The following PCDHGA1 variants were observed in gnomAD, a reference collection of about 807,000 sequenced individuals.
PCDHGA1 encodes the protein protocadherin gamma-A1.
PCDHGA1 carries 32 observed loss-of-function variants against 58.0 expected under a neutral mutation model. The observed-to-expected ratio is 0.55, with a 90% CI of 0.42 to 0.74. The LOEUF (loss-of-function observed/expected upper bound fraction) is 0.74, where lower values mean the gene tolerates loss of function less well. Among genes scored for constraint, PCDHGA1 ranks in the 30% least tolerant of loss-of-function variants. PCDHGA1 has a pLI of 0.00. For missense variants in PCDHGA1, 1,205 were observed against 1,182.3 expected (o/e 1.02, Z -0.28); for synonymous variants, 498 against 501.1 (o/e 0.99, Z 0.08).
chr5:141,357,369 C>G, intron 1 of PCDHGA1: 1 of 1,614,182 alleles, frequency 6.2e-7, no homozygotes, highest in East Asian at 2.2e-5. Context: ...ACAAGTCACG[C>G]CTGCTTCACG....
Position 141,360,239 on chromosome 5 carries a change from A to G in PCDHGA1, c.2421+27134A>G, listed in dbSNP as rs775491179. 2 of 1,613,884 alleles carry G rather than the reference A, an allele frequency of 1.2e-6. No homozygotes were observed. The highest frequency in any genetic ancestry group is 1.7e-6 in the Non-Finnish European group (2 of 1,179,852). On this transcript the variant is annotated intron_variant, in intron 1 of 3. Transcript: ENST00000517417. ...GGGGCTCTCCCAGTCCAGATCCGCTATTCAATTCCAGAGGAGCTGGCCAAA... is the reference window on the plus strand; with the variant it reads ...GGGGCTCTCCCAGTCCAGATCCGCTGTTCAATTCCAGAGGAGCTGGCCAAA...
chr5:141,341,000 A>G lies in PCDHGA1; in HGVS notation c.2421+7895A>G, dbSNP rs772183992. The G allele has an allele frequency of 2.5e-6, 4 of 1,613,964 alleles. No individual in the cohort carries two copies. In the Admixed American group the frequency reaches 6.7e-5, roughly 27 times the overall value. ...CCCCGACATCCTGGCCGACCTGGGC[A>G]GCCTCGAGCCCTCCGCCATACCCAA... On this transcript the variant is annotated intron_variant, in intron 1 of 3. Transcript: ENST00000517417.
At chr5:141,394,057 T>C (rs1318938543) in intron 1 of PCDHGA1, 1 of 1,613,750 alleles carries the variant, frequency 6.2e-7, no homozygotes, top group East Asian at 2.2e-5. Flanking sequence ...CGAGAAAATG[T>C]CTCTATCTAC....
At chr5:141,430,925 C>G (rs1313621122) in intron 1 of PCDHGA1, 2 of 1,607,162 alleles carry the variant, frequency 1.2e-6, no homozygotes, top group Non-Finnish European at 8.5e-7. Context: ...GGGGCTGGAG[C>G]CCCGGGAGCT....
At chr5:141,421,474 G>A (rs1320526226) in intron 1 of PCDHGA1, 2 of 1,614,014 alleles carry the variant, frequency 1.2e-6, no homozygotes, top group Non-Finnish European at 1.7e-6. Flanking sequence ...TCCGCGAAGC[G>A]GCAGCTTGAT....
intron 1 of PCDHGA1, chr5:141,389,406 G>A (rs1235613335): frequency 1.9e-6 from 3 of 1,613,632 alleles, no homozygotes; most frequent in South Asian, 2.2e-5. Flanking sequence ...CATAAGCGCG[G>A]AGAGCGGGGT....
chr5:141,393,086 T>C (rs533530561), intron 1 of PCDHGA1: 1 of 1,613,614 alleles, frequency 6.2e-7, no homozygotes, highest in Non-Finnish European at 8.5e-7. Flanking sequence ...GCAGGATAGA[T>C]CGGGAGGAGC....
rs372326132 is a variant in PCDHGA1 at position 141,486,185 on chromosome 5, G to A, written c.2422-8622G>A. On this transcript the variant is annotated intron_variant, in intron 1 of 3. Coordinates refer to ENST00000517417, the MANE Select transcript of PCDHGA1 (RefSeq NM_018912.3). The surrounding 1 kb of genome is among the most constrained non-coding windows in gnomAD (Gnocchi z 5.0). ...CATGGAGCAACATTGCAGCCTTCGAGTGGATCTGCTGGACGTAAATGACAA... is the reference window on the plus strand; with the variant it reads ...CATGGAGCAACATTGCAGCCTTCGAATGGATCTGCTGGACGTAAATGACAA... 42 of 1,614,108 alleles carry A rather than the reference G, an allele frequency of 2.6e-5. No homozygotes were observed. The highest frequency in any genetic ancestry group is 3.4e-5 in the Non-Finnish European group (40 of 1,180,048).
intron 1 of PCDHGA1, among the ~76,000 whole-genome samples, chr5:141,457,124 ACT>A (rs1304231701): frequency 6.6e-6 from 1 of 152,158 alleles, no homozygotes; most frequent in Non-Finnish European, 1.5e-5. Context: ...AGCAATGGAA[ACT>A]CTGTCCAATA....
At chr5:141,366,166 C>T (rs764048783) in intron 1 of PCDHGA1, 1 of 1,614,076 alleles carries the variant, frequency 6.2e-7, no homozygotes. Flanking sequence ...TTAAGGCCAG[C>T]GAGCCAGGAC....
At position 141,362,472 on chromosome 5, in the gene PCDHGA1, T is replaced by G. The variant is rs1762526410; in HGVS notation, c.2421+29367T>G. On this transcript the variant is annotated intron_variant, in intron 1 of 3. Transcript: ENST00000517417. ...CCCCGGAATTGGTTCCCGCGCAAGA[T>G]CTCGTCTGTGACAATGCCTCTTGGG... 3 of 1,613,916 alleles carry G rather than the reference T, an allele frequency of 1.9e-6. No individual in the cohort carries two copies. Among genetic ancestry groups the G allele is most frequent in the Non-Finnish European group, 2.5e-6 (3 of 1,179,892 alleles).
intron 1 of PCDHGA1, chr5:141,365,186 GA>G: frequency 1.2e-6 from 2 of 1,613,880 alleles, no homozygotes; most frequent in Non-Finnish European, 1.7e-6. Flanking sequence ...CAATGAAGAA[GA>G]AAAAATTTCG....
chr5:141,382,453 G>A (rs1300977672), intron 1 of PCDHGA1, among the ~76,000 whole-genome samples: 1 of 152,202 alleles, frequency 6.6e-6, no homozygotes, highest in Non-Finnish European at 1.5e-5. Flanking sequence ...GCAAGGCAAA[G>A]CAGTTTTTTA....
At chr5:141,479,633 T>TAACAAC (rs749744124) in intron 1 of PCDHGA1, 1 of 152,114 alleles carries the variant, frequency 6.6e-6, no homozygotes, top group Admixed American at 6.5e-5. Flanking sequence ...TCTTTAACAA[T>TAACAAC]AACAACAACA....
chr5:141,512,917 T>C lies in PCDHGA1; in HGVS notation c.*1744T>C, dbSNP rs543880225. On this transcript the variant is annotated 3_prime_UTR_variant, in exon 4 of 4. Transcript: ENST00000517417. ...TGTGTCTCACGCAAGTTTTATACTCTAATATTTATATGGCTTTTTTTCTTC... is the reference window on the plus strand; with the variant it reads ...TGTGTCTCACGCAAGTTTTATACTCCAATATTTATATGGCTTTTTTTCTTC... The C allele has an allele frequency of 1.3e-5, 2 of 152,378 alleles. No individual in the cohort carries two copies. Among genetic ancestry groups the C allele is most frequent in the African/African-American group, 2.4e-5 (1 of 41,588 alleles). The allele number at this position is 152,378 out of a possible 1,614,324, so 9.4% of individuals were successfully genotyped here.
Position 141,414,566 on chromosome 5 carries a change from A to G in PCDHGA1, c.2422-80241A>G, listed in dbSNP as rs375828619. The stretch of plus-strand genomic sequence containing the variant: ...TTCTCTCAAGTCTCCTACTTTACCT[A>G]TATCCCAGAGAACAACGCCAGGGGT... On this transcript the variant is annotated intron_variant, in intron 1 of 3. Coordinates refer to ENST00000517417, the MANE Select transcript of PCDHGA1 (RefSeq NM_018912.3). The G allele has an allele frequency of 6.6e-5, 106 of 1,613,800 alleles. No homozygotes were observed. Among genetic ancestry groups the G allele is most frequent in the Non-Finnish European group, 8.4e-5 (99 of 1,179,878 alleles).
At chr5:141,389,926 A>G (rs1442843006) in intron 1 of PCDHGA1, 2 of 1,613,766 alleles carry the variant, frequency 1.2e-6, no homozygotes, top group Non-Finnish European at 1.7e-6. Context: ...GACCCCTCTG[A>G]CCTCCAGGCT....
Position 141,333,058 on chromosome 5 carries a change from T to A in PCDHGA1, c.2374T>A (p.Ser792Thr), listed in dbSNP as rs1302241770. ...GAGCTGTGAGAAAAAGGGTTTTCTA[T>A]CAGCACCCCAGTCTTTACTTGAAGA... Reference protein sequence around the residue: ...QESCEKKGFLSAPQSLLEDKK... With the variant: ...QESCEKKGFLTAPQSLLEDKK... Residue 792 changes from serine (S) to threonine (T), a missense_variant, in exon 1 of 4, where the codon TCA becomes ACA. By Grantham distance (58) the Ser-to-Thr change is moderately conservative. Coordinates refer to ENST00000517417, the MANE Select transcript of PCDHGA1 (RefSeq NM_018912.3). 1.2e-6 allele frequency: 2 copies of A among 1,614,100 alleles called. No individual in the cohort carries two copies. The highest frequency in any genetic ancestry group is 2.7e-5 in the African/African-American group (2 of 74,926).
At chr5:141,345,554 C>G (rs773101076) in intron 1 of PCDHGA1, 2 of 1,614,226 alleles carry the variant, frequency 1.2e-6, no homozygotes, top group Non-Finnish European at 1.7e-6. Flanking sequence ...TCGTCTCTAT[C>G]AACTCCAACA....
Sources: allele counts gnomAD v4.1 joint callset (sites outside exome capture counted in the v4.1 genomes callset), GRCh38; gene constraint gnomAD v4.1.1; non-coding constraint Gnocchi (gnomAD v3.1); transcripts MANE v1.5; gene names NCBI Gene and HGNC (gene_info 2026-07-23, HGNC 2026-07-21).